The following SIPA1L2 variants were observed in gnomAD, a reference collection of about 807,000 sequenced individuals.
The protein encoded by SIPA1L2 is signal induced proliferation associated 1 like 2.
SIPA1L2 carries 56 observed loss-of-function variants against 163.9 expected under a neutral mutation model. That is an observed-to-expected ratio of 0.34 (90% CI 0.28 to 0.43). The LOEUF is 0.43. Among genes scored for constraint, SIPA1L2 ranks in the 20% least tolerant of loss-of-function variants. SIPA1L2 has a pLI of 1.00. For missense variants in SIPA1L2, 1,974 were observed against 2,193.5 expected, an observed-to-expected ratio of 0.90 and a Z score of 2.00; for synonymous variants, 877 against 865.7, an observed-to-expected ratio of 1.01 and a Z score of -0.23.
chr1:232,602,498 T>C (rs1661655973), intron 1 of SIPA1L2, among the ~76,000 whole-genome samples: 1 of 152,080 alleles, frequency 6.6e-6, no homozygotes, highest in Non-Finnish European at 1.5e-5. Context: ...GCCCAGCAGA[T>C]TTTTGTATTA....
chr1:232,549,807 T>C (rs1248639207), intron 2 of SIPA1L2, among the ~76,000 whole-genome samples: 1 of 152,150 alleles, frequency 6.6e-6, no homozygotes, highest in African/African-American at 2.4e-5. Context: ...TTTTTCTTCA[T>C]CATTTTTGTT....
chr1:232,612,261 G>A (rs1022133228), intron 1 of SIPA1L2, among the ~76,000 whole-genome samples: 1 of 152,164 alleles, frequency 6.6e-6, no homozygotes, highest in Admixed American at 6.5e-5. Context: ...GTGTAAAAGG[G>A]AAATGTGTGG....
At chr1:232,570,614 G>C (rs1482857592) in intron 2 of SIPA1L2, among the ~76,000 whole-genome samples, 1 of 152,054 alleles carries the variant, frequency 6.6e-6, no homozygotes, top group African/African-American at 2.4e-5. Flanking sequence ...CATTTGAAAT[G>C]GATTTTCAAC....
At chr1:232,532,711 A>G (rs1292378829) in intron 2 of SIPA1L2, among the ~76,000 whole-genome samples, 5 of 152,218 alleles carry the variant, frequency 3.3e-5, no homozygotes, top group African/African-American at 2.4e-5. Flanking sequence ...CAGAATTTGT[A>G]TTTTAAAAAA....
intron 13 of SIPA1L2, among the ~76,000 whole-genome samples, 154 bp from the exon 14 acceptor site, chr1:232,441,548 T>C (rs1033041294): frequency 6.6e-6 from 1 of 152,156 alleles, no homozygotes; most frequent in African/African-American, 2.4e-5. Context: ...CACAAAAGTA[T>C]ACAGAACCAC....
intron 10 of SIPA1L2, among the ~76,000 whole-genome samples, chr1:232,458,781 A>G (rs1338702341): frequency 1.3e-5 from 2 of 152,226 alleles, no homozygotes; most frequent in Admixed American, 1.3e-4. Flanking sequence ...AATTTTACAT[A>G]TACAGTACTT....
chr1:232,439,012 G>T, intron 15 of SIPA1L2, 96 bp downstream of exon 15: 1 of 1,279,632 alleles, frequency 7.8e-7, no homozygotes, highest in South Asian at 1.8e-5. Context: ...CCTACCTGAT[G>T]CCCCTACTGC....
At chr1:232,622,261 C>T (rs1328278657) in intron 1 of SIPA1L2, among the ~76,000 whole-genome samples, 1 of 152,172 alleles carries the variant, frequency 6.6e-6, no homozygotes, top group African/African-American at 2.4e-5. Context: ...AGATAAAAGA[C>T]TTTTACCATA....
chr1:232,587,410 C>T (rs1660728538), intron 1 of SIPA1L2, among the ~76,000 whole-genome samples: 1 of 152,116 alleles, frequency 6.6e-6, no homozygotes, highest in African/African-American at 2.4e-5. Flanking sequence ...TAGCACCTTT[C>T]CTGTATGTCT....
At chr1:232,441,214 A>G (rs1030341480) in intron 14 of SIPA1L2, 77 bp downstream of exon 14, 4 of 1,104,052 alleles carry the variant, frequency 3.6e-6, no homozygotes, top group Non-Finnish European at 5.1e-6. Context: ...ATCCCCAGGA[A>G]TCAGGCTGTA....
At chr1:232,418,327 T>C (rs776376540) in intron 18 of SIPA1L2, among the ~76,000 whole-genome samples, 4 of 152,200 alleles carry the variant, frequency 2.6e-5, no homozygotes, top group Non-Finnish European at 4.4e-5. Context: ...TTGCTTCCCC[T>C]TCCCCTGGTC....
intron 1 of SIPA1L2, among the ~76,000 whole-genome samples, chr1:232,595,460 GCT>G (rs1661209507): frequency 6.6e-6 from 1 of 152,192 alleles, no homozygotes; most frequent in Non-Finnish European, 1.5e-5. Flanking sequence ...GGCTGTCACT[GCT>G]GGGCTGTCAC....
chr1:232,449,861 A>C (rs1338294988), intron 10 of SIPA1L2, among the ~76,000 whole-genome samples: 1 of 152,222 alleles, frequency 6.6e-6, no homozygotes, highest in Non-Finnish European at 1.5e-5. Flanking sequence ...TCTCAACAAC[A>C]ATACTAGAAG....
chr1:232,504,483 A>T (rs554513057), intron 3 of SIPA1L2, among the ~76,000 whole-genome samples: 1 of 152,142 alleles, frequency 6.6e-6, no homozygotes, highest in South Asian at 2.1e-4. Flanking sequence ...GGTTGCAGTG[A>T]GCCGAGATCG....
rs1306605334 is a variant in SIPA1L2 at position 232,490,900 on chromosome 1, G to T, written c.1780C>A (p.Gln594Lys). 1 of 1,614,040 alleles carries T rather than the reference G, an allele frequency of 6.2e-7. No homozygotes were observed. ...QASNSPKVSE[Q>K]LLKLDEQGLS... ...CCTTGTTCATCAAGCTTGAGCAGCT[G>T]CTCTGAGACCTTGGGTGAGTTGGAA... is the stretch of plus-strand genomic sequence containing the variant. Residue 594 changes from glutamine to lysine, a missense_variant, in exon 5 of 23, where the codon CAG becomes AAG. Gln to Lys is a moderately conservative substitution (Grantham distance 53). Around this residue, in one of 3 missense-constraint regions of SIPA1L2, gnomAD observed 288 missense variants for 418.9 expected, o/e 0.69. Coordinates refer to ENST00000674635, the MANE Select transcript of SIPA1L2 (RefSeq NM_020808.5).
intron 1 of SIPA1L2, among the ~76,000 whole-genome samples, chr1:232,597,289 G>C (rs1422498916): frequency 6.6e-6 from 1 of 152,066 alleles, no homozygotes; most frequent in African/African-American, 2.4e-5. Context: ...ACAATCCAGA[G>C]GAAAAGGCAC....
chr1:232,428,661 G>A (rs924673029), intron 16 of SIPA1L2, 97 bp from the exon 17 acceptor site: 19 of 874,006 alleles, frequency 2.2e-5, no homozygotes, highest in Non-Finnish European at 3.1e-5. Context: ...AGCCACAAAC[G>A]CATACAAACA....
rs570271741 is a variant in SIPA1L2, at chr1:232,428,313, T to C, written c.4410+98A>G. 1.7e-5 allele frequency: 18 copies of C among 1,066,926 alleles called. No individual in the cohort carries two copies. The South Asian group carries it at 3.5e-4, about 21-fold the overall frequency. The allele number at this position is 1,066,926 out of a possible 1,614,324, so 66.1% of individuals were successfully genotyped here. A position where few individuals can be genotyped will look rare whatever the true frequency, so the allele number is the denominator to read the frequency against. On this transcript the variant is annotated intron_variant, in intron 17 of 22. Coordinates refer to ENST00000674635, the MANE Select transcript of SIPA1L2 (RefSeq NM_020808.5). ...TGGTAGGGTCATGAGAGATGAAGCA[T>C]GTGGGAGTACTCTGGAAACCTCTGA...
intron 1 of SIPA1L2, among the ~76,000 whole-genome samples, chr1:232,579,793 A>T (rs187452248): frequency 6.6e-6 from 1 of 152,212 alleles, no homozygotes; most frequent in Non-Finnish European, 1.5e-5. Flanking sequence ...AAAAGCAAAT[A>T]TATTAATATG....
Sources: allele counts gnomAD v4.1 joint callset (sites outside exome capture counted in the v4.1 genomes callset), GRCh38; gene constraint gnomAD v4.1.1; regional missense constraint gnomAD v4.1.1; transcripts MANE v1.5; gene names NCBI Gene and HGNC (gene_info 2026-07-23, HGNC 2026-07-21).